NOTCH2: variants seen among roughly 807,000 people sequenced by gnomAD.
NOTCH2 encodes neurogenic locus notch homolog protein 2.
Under a neutral mutation model 235.8 loss-of-function variants are expected in NOTCH2, and 29 were observed. That is an observed-to-expected ratio of 0.12 (90% CI 0.09 to 0.17). The LOEUF (loss-of-function observed/expected upper bound fraction) is 0.17, where lower values mean the gene tolerates loss of function less well. Among genes scored for constraint, NOTCH2 ranks in the 10% least tolerant of loss-of-function variants. The probability of loss-of-function intolerance (pLI) is 1.00; values close to 1 mark genes in which losing one functional copy is unlikely to be tolerated. For synonymous variants in NOTCH2, 1,086 were observed against 1,141.5 expected, an observed-to-expected ratio of 0.95 and a Z score of 0.98; for missense variants, 2,285 against 3,150.2, an observed-to-expected ratio of 0.73 and a Z score of 6.57.
intron 1 of NOTCH2, among the ~76,000 whole-genome samples, chr1:120,033,021 C>T (rs1467281576): frequency 6.7e-6 from 1 of 150,030 alleles, no homozygotes; most frequent in East Asian, 1.9e-4. Flanking sequence ...ATCTGGTAAT[C>T]CCACTGCTGC....
At chr1:119,981,663 G>A (rs1651816661) in intron 5 of NOTCH2, among the ~76,000 whole-genome samples, 1 of 152,122 alleles carries the variant, frequency 6.6e-6, no homozygotes, top group Admixed American at 6.5e-5. Context: ...TCCACCAACA[G>A]CGCCACTAAT....
At position 119,915,695 on chromosome 1, in the gene NOTCH2, G is replaced by A; in HGVS notation, c.7027C>T (p.Pro2343Ser). 6.2e-7 allele frequency: 1 copy of A among 1,612,508 alleles called. No homozygotes were observed. Among genetic ancestry groups the A allele is most frequent in the African/African-American group, 1.3e-5 (1 of 75,040 alleles). Reference sequence around the variant, plus strand: ...ACACTGGGCAAACGGGCCATTTCTGGAATCTGGTACATGGTGGGCAGGGGG... The same window carrying A: ...ACACTGGGCAAACGGGCCATTTCTGAAATCTGGTACATGGTGGGCAGGGGG... ...AGPLPTMYQI[P>S]EMARLPSVAF... Residue 2343 changes from proline (P) to serine (S), a missense_variant, in exon 34 of 34, where the codon CCA becomes TCA. By Grantham distance (74) the Pro-to-Ser change is moderately conservative. Coordinates refer to ENST00000256646, the MANE Select transcript of NOTCH2 (RefSeq NM_024408.4).
chr1:119,917,972 G>A (rs1272532822), intron 32 of NOTCH2, among the ~76,000 whole-genome samples: 1 of 152,114 alleles, frequency 6.6e-6, no homozygotes, highest in Non-Finnish European at 1.5e-5. Context: ...AGACCTCTAG[G>A]TGAAAGGATC....
intron 3 of NOTCH2, among the ~76,000 whole-genome samples, chr1:120,001,490 G>T (rs74115519): frequency 6.6e-6 from 1 of 152,254 alleles, no homozygotes; most frequent in East Asian, 1.9e-4. Flanking sequence ...CAGAAAACAA[G>T]ATGGGCCGGT....
chr1:120,013,648 C>G (rs2101269473), intron 2 of NOTCH2, among the ~76,000 whole-genome samples: 1 of 151,890 alleles, frequency 6.6e-6, no homozygotes, highest in African/African-American at 2.4e-5. Context: ...GGAAGCTAAG[C>G]AGCATTATGG....
rs752790878 is a variant in NOTCH2, at chr1:119,916,495, A to G, written c.6227T>C (p.Leu2076Ser). Residue 2076 changes from leucine to serine, a missense_variant, in exon 34 of 34, where the codon TTG becomes TCG. Physicochemically the swap from Leu to Ser is moderately radical, Grantham distance 145 (BLOSUM62 -2). This residue lies in a region of NOTCH2 where 504 missense variants were observed against 538.0 expected (regional missense o/e 0.94). Coordinates refer to ENST00000256646, the MANE Select transcript of NOTCH2 (RefSeq NM_024408.4). The part of the protein sequence containing the change: ...NVTPSPPGTV[L>S]TSALSPVICG... ...GATGACAGGTGAGAGAGCAGAAGTCAACACGGTGCCTGGAGGGCTTGGGGT... is the reference window on the plus strand; with the variant it reads ...GATGACAGGTGAGAGAGCAGAAGTCGACACGGTGCCTGGAGGGCTTGGGGT... The G allele has an allele frequency of 1.2e-6, 2 of 1,612,568 alleles. No individual in the cohort carries two copies. Among genetic ancestry groups the G allele is most frequent in the South Asian group, 2.2e-5 (2 of 91,056 alleles).
At chr1:119,944,311 G>A (rs921259387) in intron 17 of NOTCH2, among the ~76,000 whole-genome samples, 5 of 152,068 alleles carry the variant, frequency 3.3e-5, no homozygotes, top group Admixed American at 6.5e-5. Flanking sequence ...CCAGGTGGAC[G>A]GATAACAAGA....
chr1:120,025,425 T>TA (rs1314858347), intron 2 of NOTCH2, among the ~76,000 whole-genome samples: 1 of 152,064 alleles, frequency 6.6e-6, no homozygotes, highest in Non-Finnish European at 1.5e-5. Context: ...ATAAGAACCC[T>TA]ATCCCATGAC....
chr1:119,922,913 G>C (rs1557805327), intron 26 of NOTCH2, 135 bp from the exon 27 acceptor site: 6 of 1,030,318 alleles, frequency 5.8e-6, no homozygotes, highest in Non-Finnish European at 7.5e-6. Flanking sequence ...CCACCTCTGG[G>C]ATGCTGCCTT....
chr1:120,051,267 A>ACACG (rs1553214380), intron 1 of NOTCH2, among the ~76,000 whole-genome samples: 61 of 102,988 alleles, frequency 5.9e-4, no homozygotes, highest in African/African-American at 1.6e-4. Context: ...ACACACACAC[A>ACACG]CACACACGCA....
Position 119,925,415 on chromosome 1 carries a change from G to A in NOTCH2, c.4401C>T (p.Ser1467=), listed in dbSNP as rs1352213208. The A allele has an allele frequency of 2.5e-6, 4 of 1,614,192 alleles. No homozygotes were observed. Among genetic ancestry groups the A allele is most frequent in the African/African-American group, 1.3e-5 (1 of 75,034 alleles). ...LTMENPWANC[S]SPLPCWDYIN... ...TATAATCCCAGCAGGGAAGTGGGGAGGAGCAGTTGGCCCAGGGGTTCTCCA... is the reference window on the plus strand; with the variant it reads ...TATAATCCCAGCAGGGAAGTGGGGAAGAGCAGTTGGCCCAGGGGTTCTCCA... Residue 1467 remains serine (S), a synonymous_variant, in exon 25 of 34, where the codon TCC becomes TCT. Transcript: ENST00000256646.
chr1:119,966,720 A>G (rs1343370852), intron 8 of NOTCH2, among the ~76,000 whole-genome samples: 4 of 152,210 alleles, frequency 2.6e-5, no homozygotes, highest in African/African-American at 9.6e-5. Flanking sequence ...ACATTAAAAG[A>G]CATTGGCAAG....
rs1553217995 is a variant in NOTCH2 at position 120,069,449 on chromosome 1, G to C, written c.-43C>G. 5 of 1,522,404 alleles carry C rather than the reference G, an allele frequency of 3.3e-6. No homozygotes were observed. The South Asian group carries it at 4.8e-5, about 15-fold the overall frequency. The allele number at this position is 1,522,404 out of a possible 1,614,324, so 94.3% of individuals were successfully genotyped here. A position where few individuals can be genotyped will look rare whatever the true frequency, so the allele number is the denominator to read the frequency against. On this transcript the variant is annotated 5_prime_UTR_variant, in exon 1 of 34. Transcript: ENST00000256646. ...CCTCCGCCGCCGCCGCCGCCGCCTG[G>C]GCAGATCCACATGGGGAGGGGGTCC...
Position 119,984,239 on chromosome 1 carries a change from A to G in NOTCH2, c.874+2721T>C, listed in dbSNP as rs782113863. Reference sequence around the variant, plus strand: ...TTTTCAGTCTATTAAAAAACACCCCAAGTTCTTAAAATAAAACAAGATAAT... The same window carrying G: ...TTTTCAGTCTATTAAAAAACACCCCGAGTTCTTAAAATAAAACAAGATAAT... On this transcript the variant is annotated intron_variant, in intron 5 of 33. Coordinates refer to ENST00000256646, the MANE Select transcript of NOTCH2 (RefSeq NM_024408.4). Among the ~76,000 whole-genome samples, 5 of 152,192 alleles carry G rather than the reference A, an allele frequency of 3.3e-5. No individual in the cohort carries two copies. In the South Asian group the frequency reaches 8.3e-4, roughly 25 times the overall value.
intron 17 of NOTCH2, among the ~76,000 whole-genome samples, chr1:119,945,673 C>A (rs587706821): frequency 1.7e-4 from 26 of 151,984 alleles, no homozygotes; most frequent in African/African-American, 5.5e-4. Flanking sequence ...ACATAAGAAC[C>A]CTAAATGTTT....
chr1:119,970,002 AAGAGAAGGT>A (rs1651298314), intron 5 of NOTCH2, among the ~76,000 whole-genome samples: 1 of 152,202 alleles, frequency 6.6e-6, no homozygotes, highest in Non-Finnish European at 1.5e-5. Context: ...CAACTTATCA[AAGAGAAGGT>A]AAAACCTGTA....
In NOTCH2 at chr1:119,925,483, T is replaced by C. The variant is rs1205329814; in HGVS notation, c.4333A>G (p.Ser1445Gly). The C allele has an allele frequency of 1.9e-6, 3 of 1,614,142 alleles. No individual in the cohort carries two copies. Among genetic ancestry groups the C allele is most frequent in the Non-Finnish European group, 1.7e-6 (2 of 1,180,018 alleles). Residue 1445 changes from serine to glycine, a missense_variant, in exon 25 of 34, where the codon AGC becomes GGC. This residue lies in a region of NOTCH2 where 1,173 missense variants were observed against 1,515.3 expected (regional missense o/e 0.77). Coordinates refer to ENST00000256646, the MANE Select transcript of NOTCH2 (RefSeq NM_024408.4). Reference sequence around the variant, plus strand: ...CCCCCATCCCACTGGCAGGCATGGCTGTTGCAGGCCTCATCACAGACGCCA... The same window carrying C: ...CCCCCATCCCACTGGCAGGCATGGCCGTTGCAGGCCTCATCACAGACGCCA... ...RDGVCDEACN[S>G]HACQWDGGDC...
intron 11 of NOTCH2, 29 bp from the exon 12 acceptor site, chr1:119,959,531 T>C: frequency 8.5e-7 from 1 of 1,179,762 alleles, no homozygotes; most frequent in Non-Finnish European, 1.3e-6. Flanking sequence ...CGGAAACCAT[T>C]CAATGTTACC....
rs1553217920 is a variant in NOTCH2, at chr1:120,069,358, G to A, written c.49C>T (p.Leu17=). 2 of 1,571,614 alleles carry A rather than the reference G, an allele frequency of 1.3e-6. No homozygotes were observed. Among genetic ancestry groups the A allele is most frequent in the Non-Finnish European group, 1.7e-6 (2 of 1,167,288 alleles). Residue 17 remains leucine, a synonymous_variant, in exon 1 of 34, where the codon CTG becomes TTG. Coordinates refer to ENST00000256646, the MANE Select transcript of NOTCH2 (RefSeq NM_024408.4). ...CCATGCGCGGGGGCCGCGCAGCACAGCCAGAGCGCCAGCAGCGCCCACAGC... is the reference window on the plus strand; with the variant it reads ...CCATGCGCGGGGGCCGCGCAGCACAACCAGAGCGCCAGCAGCGCCCACAGC... ...ALLWALLALW[L]CCAAPAHALQ...
Sources: gnomAD v4.1 joint callset for allele counts (sites outside exome capture counted in the v4.1 genomes callset) on GRCh38, gnomAD v4.1.1 for gene constraint, gnomAD v4.1.1 regional missense constraint, MANE v1.5 for transcripts, NCBI Gene and HGNC (gene_info 2026-07-23, HGNC 2026-07-21) for gene names.